Variants in EPX observed in about 807,000 individuals in gnomAD.
The protein encoded by EPX is eosinophil peroxidase.
Under a neutral mutation model 73.0 loss-of-function variants are expected in EPX, and 60 were observed. The observed-to-expected ratio is 0.82, with a 90% CI of 0.67 to 1.02. EPX has a LOEUF of 1.02. Ranked by LOEUF, EPX falls within the 50% of genes least tolerant of loss-of-function variation. The pLI is 0.00. For synonymous variants in EPX, 347 were observed against 389.2 expected (o/e 0.89, Z 1.28); for missense variants, 950 against 973.9 (o/e 0.98, Z 0.33).
At position 58,194,098 on chromosome 17, in the gene EPX, T is replaced by C. The variant is rs745362577; in HGVS notation, c.594+6T>C. ...ATGGCTTCCTTCTCCCTCTTGTGAG[T>C]TGGGGCTGAGGGTTTGGGAGGTTGC... is the stretch of plus-strand genomic sequence containing the variant. On this transcript the variant is annotated splice_donor_region_variant and intron_variant, in intron 5 of 12. Transcript: ENST00000225371. The C allele has an allele frequency of 1.9e-6, 3 of 1,612,996 alleles. No individual in the cohort carries two copies. The highest frequency in any genetic ancestry group is 1.1e-5 in the South Asian group (1 of 91,064).
chr17:58,197,232 G>T lies in EPX; in HGVS notation c.1095G>T (p.Ser365=), dbSNP rs760149988. Residue 365 remains serine, a synonymous_variant, in exon 7 of 13, where the codon TCG becomes TCT. Coordinates refer to ENST00000225371, the MANE Select transcript of EPX (RefSeq NM_000502.6). ...ACCCCTGTCTCCTCACCAACCGCTC[G>T]GCGCGCATCCCCTGCTTCCTGGCAG... The part of the protein sequence containing the change: ...HDDPCLLTNR[S]ARIPCFLAGD... The T allele has an allele frequency of 6.2e-7, 1 of 1,612,630 alleles. No individual in the cohort carries two copies. The highest frequency in any genetic ancestry group is 8.5e-7 in the Non-Finnish European group (1 of 1,180,024).
rs141249681 is a variant in EPX at position 58,193,478 on chromosome 17, T to C, written c.278T>C (p.Met93Thr). ...TRTVVRAADY[M>T]HVALGLLEEK... is the part of the protein sequence containing the mutation. ...ACAGTTGTTCGGGCCGCAGATTATA[T>C]GCATGTGGCTTTGGGGCTGCTTGAA... is the stretch of plus-strand genomic sequence containing the variant. Residue 93 changes from methionine (M) to threonine (T), a missense_variant, in exon 3 of 13, where the codon ATG (methionine) becomes ACG (threonine). Met to Thr is a moderately conservative substitution (Grantham distance 81). Transcript: ENST00000225371. 271 of 1,614,166 alleles carry C rather than the reference T, an allele frequency of 1.7e-4. 1 individual carries two copies. In the South Asian group the frequency reaches 2.8e-3, roughly 17 times the overall value.
chr17:58,194,937 C>A, intron 5 of EPX, 27 bp from the exon 6 acceptor site: 1 of 1,585,910 alleles, frequency 6.3e-7, no homozygotes, highest in Non-Finnish European at 8.7e-7. Context: ...GAGCCCATGT[C>A]CCGTGCTGAT....
In EPX at chr17:58,194,877, G is replaced by A. The variant is rs1196915485; in HGVS notation, c.595-87G>A. On this transcript the variant is annotated intron_variant, in intron 5 of 12. Coordinates refer to ENST00000225371, the MANE Select transcript of EPX (RefSeq NM_000502.6). ...AGAGGCTGTCAATTCCAGCAGGGGA[G>A]CTGCTGCTCCCTGAGTCCTGGGTTG... The A allele has an allele frequency of 5.2e-6, 5 of 962,926 alleles. No individual in the cohort carries two copies. In the East Asian group the frequency reaches 1.0e-4, roughly 20 times the overall value. The allele number at this position is 962,926 out of a possible 1,614,324, so 59.6% of individuals were successfully genotyped here.
At chr17:58,204,150 G>A in intron 11 of EPX, 72 bp from the exon 12 acceptor site, 1 of 998,524 alleles carries the variant, frequency 1.0e-6, no homozygotes, top group Admixed American at 1.7e-5. Flanking sequence ...TAAAGTACCT[G>A]GCACACAACA....
At position 58,193,516 on chromosome 17, in the gene EPX, C is replaced by G. The variant is rs752392549; in HGVS notation, c.316C>G (p.Pro106Ala). 6.2e-7 allele frequency: 1 copy of G among 1,614,196 alleles called. No homozygotes were observed. Among genetic ancestry groups the G allele is most frequent in the Admixed American group, 1.7e-5 (1 of 60,034 alleles). The change falls in exon 3 of 13, where the codon CCC becomes GCC. Residue 106 changes from proline (P) to alanine (A), a missense_variant. Physicochemically the swap from Pro to Ala is conservative, Grantham distance 27. Transcript: ENST00000225371. ...ALGLLEEKLQPQRSGPFNVTD... is the reference protein window; with the variant it reads ...ALGLLEEKLQAQRSGPFNVTD... ...GGGGCTGCTTGAAGAGAAGTTACAA[C>G]CCCAGCGGTCCGGACCCTTCAATGT...
intron 7 of EPX, among the ~76,000 whole-genome samples, chr17:58,198,371 C>T (rs1213417985): frequency 6.6e-6 from 1 of 152,156 alleles, no homozygotes; most frequent in Non-Finnish European, 1.5e-5. Flanking sequence ...AGAGTCGGCC[C>T]CAACCCCTCT....
At chr17:58,194,184 C>T in intron 5 of EPX, 92 bp downstream of exon 5, 2 of 1,290,018 alleles carry the variant, frequency 1.6e-6, no homozygotes, top group South Asian at 1.2e-5. Context: ...GGGCTTGAAC[C>T]CAGGCCCTTC....
chr17:58,204,419 C>T lies in EPX; in HGVS notation c.2144C>T (p.Thr715Ile), dbSNP rs745730230. 8.7e-6 allele frequency: 14 copies of T among 1,613,060 alleles called. No individual in the cohort carries two copies. The highest frequency in any genetic ancestry group is 3.3e-4 in the Middle Eastern group (2 of 6,060). ...TTGAACCTATCAGCCTGGCGAGGGA[C>T]ATGAGGCTTCTGCAGGTAAGGGGAG... is the stretch of plus-strand genomic sequence containing the variant. ...PRLNLSAWRG[T>I] Residue 715 changes from threonine to isoleucine, a missense_variant, in exon 12 of 13, where the codon ACA becomes ATA. Transcript: ENST00000225371.
At chr17:58,197,694 G>A (rs567440582) in intron 7 of EPX, among the ~76,000 whole-genome samples, 24 of 152,072 alleles carry the variant, frequency 1.6e-4, no homozygotes, top group South Asian at 4.2e-4. Flanking sequence ...ATAAATTTCC[G>A]TAGTTCCTCC....
In EPX at chr17:58,194,016, C is replaced by A. The variant is rs1335785981; in HGVS notation, c.518C>A (p.Ala173Asp). Residue 173 changes from alanine to aspartate, a missense_variant, in exon 5 of 13, where the codon GCC becomes GAC. Physicochemically the swap from Ala to Asp is moderately radical, Grantham distance 126. Transcript: ENST00000225371. ...CAGGCTCTGGCTCGCTGGCTGCCCG[C>A]CGAGTATGAGGATGGGCTGTCGCTC... ...SNQALARWLP[A>D]EYEDGLSLPF... is the part of the protein sequence containing the mutation. 1 of 1,613,042 alleles carries A rather than the reference C, an allele frequency of 6.2e-7. No individual in the cohort carries two copies. Among genetic ancestry groups the A allele is most frequent in the Non-Finnish European group, 8.5e-7 (1 of 1,179,950 alleles).
chr17:58,199,912 C>T (rs974663008), intron 9 of EPX, 118 bp downstream of exon 9: 8 of 1,124,572 alleles, frequency 7.1e-6, no homozygotes, highest in African/African-American at 3.1e-5. Context: ...CTAATATCTC[C>T]CCAGGACAGT....
chr17:58,201,502 T>G (rs531376792), intron 10 of EPX, among the ~76,000 whole-genome samples: 133 of 152,304 alleles, frequency 8.7e-4, no homozygotes, highest in African/African-American at 3.1e-3. Flanking sequence ...ACCAGCTTAT[T>G]GCCAGAACCT....
chr17:58,194,900 T>C lies in EPX; in HGVS notation c.595-64T>C, dbSNP rs1056096908. 3 of 1,231,494 alleles carry C rather than the reference T, an allele frequency of 2.4e-6. No homozygotes were observed. In the African/African-American group the frequency reaches 4.5e-5, roughly 18 times the overall value. The allele number at this position is 1,231,494 out of a possible 1,614,324, so 76.3% of individuals were successfully genotyped here. A position where few individuals can be genotyped will look rare whatever the true frequency, so the allele number is the denominator to read the frequency against. Reference sequence around the variant, plus strand: ...GAGCTGCTGCTCCCTGAGTCCTGGGTTGGCTCTAATACCTTGTGGGGTCAG... The same window carrying C: ...GAGCTGCTGCTCCCTGAGTCCTGGGCTGGCTCTAATACCTTGTGGGGTCAG... On this transcript the variant is annotated intron_variant, in intron 5 of 12. Transcript: ENST00000225371.
Position 58,203,318 on chromosome 17 carries a change from G to A in EPX, c.1946G>A (p.Arg649Lys), listed in dbSNP as rs761861138. ...TTCAGAAGAGCCCGAGACGGAGACA[G>A]GTAAGTGACCCTATCATAAAAGACA... is the stretch of plus-strand genomic sequence containing the variant. Reference protein sequence around the residue: ...NQFRRARDGDRFWWQKRGVFT... With the variant: ...NQFRRARDGDKFWWQKRGVFT... Residue 649 changes from arginine (R) to lysine (K), a missense_variant and splice_region_variant, in exon 11 of 13, where the codon AGG becomes AAG. Coordinates refer to ENST00000225371, the MANE Select transcript of EPX (RefSeq NM_000502.6). 6 of 1,601,568 alleles carry A rather than the reference G, an allele frequency of 3.7e-6. No individual in the cohort carries two copies. In the South Asian group the frequency reaches 5.5e-5, roughly 15 times the overall value.
At chr17:58,194,241 G>T (rs913105203) in intron 5 of EPX, 149 bp downstream of exon 5, 5 of 810,902 alleles carry the variant, frequency 6.2e-6, no homozygotes, top group Non-Finnish European at 1.0e-5. Context: ...GCTTTCTGAG[G>T]CTTAGTTTCC....
intron 10 of EPX, among the ~76,000 whole-genome samples, chr17:58,200,667 A>G (rs886697977): frequency 1.3e-5 from 2 of 152,178 alleles, no homozygotes; most frequent in Non-Finnish European, 2.9e-5. Context: ...GGGAGGCTCG[A>G]ACTTTCCAAG....
intron 8 of EPX, 49 bp from the exon 9 acceptor site, chr17:58,199,490 G>A (rs1221282039): frequency 6.2e-7 from 1 of 1,608,238 alleles, no homozygotes. Flanking sequence ...AAAGGCAAGG[G>A]TATGGGTGAG....
In EPX at chr17:58,194,028, A is replaced by G; in HGVS notation, c.530A>G (p.Asp177Gly). 6.2e-7 allele frequency: 1 copy of G among 1,613,340 alleles called. No individual in the cohort carries two copies. Among genetic ancestry groups the G allele is most frequent in the Non-Finnish European group, 8.5e-7 (1 of 1,179,952 alleles). Residue 177 changes from aspartate (D) to glycine (G), a missense_variant, in exon 5 of 13, where the codon GAT (aspartate) becomes GGT (glycine). By Grantham distance (94) the Asp-to-Gly change is moderately conservative. Coordinates refer to ENST00000225371, the MANE Select transcript of EPX (RefSeq NM_000502.6). Reference sequence around the variant, plus strand: ...CGCTGGCTGCCCGCCGAGTATGAGGATGGGCTGTCGCTCCCCTTCGGCTGG... The same window carrying G: ...CGCTGGCTGCCCGCCGAGTATGAGGGTGGGCTGTCGCTCCCCTTCGGCTGG... ...LARWLPAEYE[D>G]GLSLPFGWTP...
Sources: allele counts gnomAD v4.1 joint callset (sites outside exome capture counted in the v4.1 genomes callset), GRCh38; gene constraint gnomAD v4.1.1; transcripts MANE v1.5; gene names NCBI Gene and HGNC (gene_info 2026-07-23, HGNC 2026-07-21).